CAMK2A: variants seen among roughly 807,000 people sequenced by gnomAD.
CAMK2A encodes the protein calcium/calmodulin dependent protein kinase II alpha.
In CAMK2A, 7 loss-of-function variants were observed where a neutral mutation model predicts 79.2. The observed-to-expected ratio is 0.09, with a 90% CI of 0.05 to 0.17. The LOEUF (loss-of-function observed/expected upper bound fraction) is 0.17, where lower values mean the gene tolerates loss of function less well. Among genes scored for constraint, CAMK2A ranks in the 10% least tolerant of loss-of-function variants. The probability of loss-of-function intolerance (pLI) is 1.00; values close to 1 mark genes in which losing one functional copy is unlikely to be tolerated. For synonymous variants in CAMK2A, 242 were observed against 251.7 expected (o/e 0.96, Z 0.36); for missense variants, 214 against 646.4 (o/e 0.33, Z 7.25).
chr5:150,281,490 G>A (rs1757214260), intron 1 of CAMK2A, among the ~76,000 whole-genome samples: 1 of 152,210 alleles, frequency 6.6e-6, no homozygotes, highest in Non-Finnish European at 1.5e-5. Flanking sequence ...TCAGAACCTT[G>A]TATAGCCCAT....
At position 150,284,081 on chromosome 5, in the gene CAMK2A, TC is replaced by T. The variant is rs1410795903; in HGVS notation, c.62+5482del. On this transcript the variant is annotated intron_variant, in intron 1 of 18. Transcript: ENST00000671881. This position sits in a 1 kb window ranked among gnomAD's most constrained non-coding sequence, Gnocchi z 5.3. Reference sequence around the variant, plus strand: ...GCTTCCTACAGTGCCACAGAGAAGCTCCAAGAGAATGCCACAGGTGGTTCAC... The same window carrying T: ...GCTTCCTACAGTGCCACAGAGAAGCTCAAGAGAATGCCACAGGTGGTTCAC... Among the ~76,000 whole-genome samples the T allele has an allele frequency of 2.0e-5, 3 of 151,842 alleles. No homozygotes were observed. Among genetic ancestry groups the T allele is most frequent in the Non-Finnish European group, 4.4e-5 (3 of 67,962 alleles).
chr5:150,230,249 C>T (rs1430989477), intron 16 of CAMK2A, among the ~76,000 whole-genome samples: 6 of 130,698 alleles, frequency 4.6e-5, no homozygotes, highest in South Asian at 2.4e-4. Flanking sequence ...ACCCGGGAGA[C>T]GGAGGTTGCA....
chr5:150,231,222 G>C, intron 16 of CAMK2A, 83 bp downstream of exon 16: 1 of 649,970 alleles, frequency 1.5e-6, no homozygotes, highest in African/African-American at 1.8e-5. Flanking sequence ...GAGGATCGGA[G>C]ACAAGGACCC....
chr5:150,244,167 G>A (rs528108088), intron 13 of CAMK2A, among the ~76,000 whole-genome samples: 11 of 152,268 alleles, frequency 7.2e-5, no homozygotes, highest in Admixed American at 5.9e-4. Context: ...CACCCCACTC[G>A]TTGTACTTAG....
At chr5:150,237,487 G>C (rs971881617) in intron 15 of CAMK2A, among the ~76,000 whole-genome samples, 8 of 152,012 alleles carry the variant, frequency 5.3e-5, no homozygotes, top group African/African-American at 1.7e-4. Context: ...TGGAGGATTT[G>C]GTGTCCCCAG....
intron 2 of CAMK2A, among the ~76,000 whole-genome samples, chr5:150,268,626 T>C (rs975003820): frequency 1.3e-5 from 2 of 152,240 alleles, no homozygotes; most frequent in Non-Finnish European, 2.9e-5. Context: ...TAAGACCTTT[T>C]CTGTTGGTCA....
intron 15 of CAMK2A, among the ~76,000 whole-genome samples, chr5:150,233,811 T>C (rs1477136470): frequency 1.3e-5 from 2 of 152,098 alleles, no homozygotes; most frequent in Admixed American, 1.3e-4. Context: ...GTTTGTTTGT[T>C]TTTTGTTTTT....
At chr5:150,238,050 A>C (rs1012850438) in intron 15 of CAMK2A, among the ~76,000 whole-genome samples, 6 of 152,246 alleles carry the variant, frequency 3.9e-5, no homozygotes, top group African/African-American at 7.2e-5. Flanking sequence ...TTTTCAAAAA[A>C]ACTCAAAAAC....
chr5:150,237,547 C>T (rs1359226839), intron 15 of CAMK2A, among the ~76,000 whole-genome samples: 2 of 152,124 alleles, frequency 1.3e-5, no homozygotes, highest in Admixed American at 6.5e-5. Context: ...AAGGGCACTT[C>T]CCACCACCGA....
chr5:150,241,349 CCTTCCTCTTTT>C (rs138582187), intron 13 of CAMK2A, among the ~76,000 whole-genome samples: 4,561 of 150,454 alleles, frequency 0.03, 257 homozygotes, highest in African/African-American at 0.1. Context: ...TTCCTCTCCT[CCTTCCTCTTTT>C]CTTCCTCTCT....
chr5:150,287,076 C>T (rs1757453347), intron 1 of CAMK2A, among the ~76,000 whole-genome samples: 1 of 152,166 alleles, frequency 6.6e-6, no homozygotes, highest in Non-Finnish European at 1.5e-5. Context: ...AGGGCACTGC[C>T]CCTCCCTGCA....
intron 3 of CAMK2A, among the ~76,000 whole-genome samples, chr5:150,259,209 T>C (rs1001651853): frequency 1.3e-5 from 2 of 149,840 alleles, no homozygotes; most frequent in African/African-American, 4.9e-5. Context: ...TAAAATAAGA[T>C]AAAATAAAAT....
chr5:150,223,168 G>A lies in CAMK2A; in HGVS notation c.1287C>T (p.His429=), dbSNP rs575572630. 4 of 1,614,038 alleles carry A rather than the reference G, an allele frequency of 2.5e-6. No homozygotes were observed. The African/African-American group carries it at 5.3e-5, about 21-fold the overall frequency. The change falls in exon 18 of 19, where the codon CAC becomes CAT. Residue 429 remains histidine, a synonymous_variant. Coordinates refer to ENST00000671881, the MANE Select transcript of CAMK2A (RefSeq NM_015981.4). This position sits in a 1 kb window ranked among gnomAD's most constrained non-coding sequence, Gnocchi z 4.1. ...KPVHTTILNP[H]IHLMGDESAC... ...CTGACTCGTCGCCCATCAGGTGGATGTGGGGATTCAGGATGGTGGTGTGCA... is the reference window on the plus strand; with the variant it reads ...CTGACTCGTCGCCCATCAGGTGGATATGGGGATTCAGGATGGTGGTGTGCA...
Position 150,253,544 on chromosome 5 carries a change from A to G in CAMK2A, c.414T>C (p.Pro138=). 6.2e-7 allele frequency: 1 copy of G among 1,613,226 alleles called. No homozygotes were observed. The highest frequency in any genetic ancestry group is 8.5e-7 in the Non-Finnish European group (1 of 1,179,148). ...QMGVVHRDLK[P]ENLLLASKLK... ...GCTTGGAGGCCAGCAACAGATTCTC[A>G]GGCTTGTCAGGACCAGAGAAGAGGG... The change falls in exon 7 of 19, where the codon CCT becomes CCC. Residue 138 remains proline (P), a splice_region_variant and synonymous_variant. Transcript: ENST00000671881.
intron 1 of CAMK2A, among the ~76,000 whole-genome samples, chr5:150,273,842 T>C (rs1756848701): frequency 1.3e-5 from 2 of 152,246 alleles, no homozygotes. Flanking sequence ...TTAGTTTCAA[T>C]CTATAGCCAT....
At chr5:150,288,285 C>A (rs1757515329) in intron 1 of CAMK2A, among the ~76,000 whole-genome samples, 1 of 152,124 alleles carries the variant, frequency 6.6e-6, no homozygotes, top group Admixed American at 6.5e-5. Context: ...CTCTAACCTG[C>A]CATACATGTG....
intron 12 of CAMK2A, among the ~76,000 whole-genome samples, chr5:150,246,166 G>T (rs996097178): frequency 6.6e-6 from 1 of 152,190 alleles, no homozygotes; most frequent in African/African-American, 2.4e-5. Flanking sequence ...GAGGCATGGG[G>T]CTCATGGCAG....
At chr5:150,286,855 GAAC>G (rs781616369) in intron 1 of CAMK2A, among the ~76,000 whole-genome samples, 3 of 152,218 alleles carry the variant, frequency 2.0e-5, no homozygotes, top group African/African-American at 7.2e-5. Flanking sequence ...CAGCCTTTGA[GAAC>G]AACAACAGTC....
At chr5:150,269,321 T>C (rs552515532) in intron 2 of CAMK2A, among the ~76,000 whole-genome samples, 2 of 152,254 alleles carry the variant, frequency 1.3e-5, no homozygotes, top group Admixed American at 1.3e-4. Flanking sequence ...ATGGACATTC[T>C]GGGGTGAGGT....
Sources: allele counts gnomAD v4.1 joint callset (sites outside exome capture counted in the v4.1 genomes callset), GRCh38; gene constraint gnomAD v4.1.1; non-coding constraint Gnocchi (gnomAD v3.1); transcripts MANE v1.5; gene names NCBI Gene and HGNC (gene_info 2026-07-23, HGNC 2026-07-21).